The following ADAMTSL1 variants were observed in gnomAD, a reference collection of about 807,000 sequenced individuals.
ADAMTSL1 encodes ADAMTS like 1.
ADAMTSL1 carries 126 observed loss-of-function variants against 201.8 expected under a neutral mutation model. That is an observed-to-expected ratio of 0.62 (90% CI 0.54 to 0.72). ADAMTSL1 has a LOEUF of 0.72. ADAMTSL1 is among the 30% of genes least tolerant of loss of function. The pLI is 0.00. For missense variants in ADAMTSL1, 2,679 were observed against 2,277.8 expected, an observed-to-expected ratio of 1.18 and a Z score of -3.59; for synonymous variants, 1,121 against 903.4, an observed-to-expected ratio of 1.24 and a Z score of -4.32.
At chr9:18,197,343 C>T (rs1023674160) in intron 2 of ADAMTSL1, among the ~76,000 whole-genome samples, 17 of 151,392 alleles carry the variant, frequency 1.1e-4, no homozygotes, top group Non-Finnish European at 2.2e-4. Context: ...TTTGTATCCT[C>T]TTTTATTTCC....
intron 2 of ADAMTSL1, among the ~76,000 whole-genome samples, chr9:18,442,332 A>G (rs1820028327): frequency 6.6e-6 from 1 of 152,226 alleles, no homozygotes; most frequent in Admixed American, 6.5e-5. Context: ...TTTCAGAGAA[A>G]GAGAGAAAAA....
chr9:18,828,622 C>G (rs1478463207), intron 22 of ADAMTSL1, among the ~76,000 whole-genome samples: 3 of 123,256 alleles, frequency 2.4e-5, no homozygotes, highest in African/African-American at 9.2e-5. Context: ...TGATGTTTTT[C>G]TCTATGCCAT....
intron 3 of ADAMTSL1, among the ~76,000 whole-genome samples, chr9:18,557,815 A>G (rs900691850): frequency 7.2e-5 from 11 of 152,030 alleles, no homozygotes; most frequent in Non-Finnish European, 1.6e-4. Flanking sequence ...CATATTTGCA[A>G]TCTATCAATC....
rs186414644 is a variant in ADAMTSL1 at position 18,133,851 on chromosome 9, G to A, written c.88-30011G>A. ...AAAAAACTATTTGGTTAACTCTAAT[G>A]GGCAACTAGAATTGAAAACACAGCC... On this transcript the variant is annotated intron_variant, in intron 1 of 29. Transcript: ENST00000680146. Among the ~76,000 whole-genome samples, 293 of 151,018 alleles carry A rather than the reference G, an allele frequency of 1.9e-3. 2 individuals are homozygous for A. The highest frequency in any genetic ancestry group is 6.6e-3 in the African/African-American group (268 of 40,444).
chr9:18,733,639 A>ACCCACCCC (rs1818344689), intron 15 of ADAMTSL1, among the ~76,000 whole-genome samples: 1 of 88,584 alleles, frequency 1.1e-5, no homozygotes, highest in African/African-American at 4.3e-5. Flanking sequence ...CCCCCCACAC[A>ACCCACCCC]CACACTCACT....
At position 18,100,768 on chromosome 9, in the gene ADAMTSL1, C is replaced by A. The variant is rs114493206; in HGVS notation, c.88-63094C>A. Among the ~76,000 whole-genome samples the A allele has an allele frequency of 6.6e-3, 1,004 of 152,244 alleles. 16 individuals are homozygous for A. The highest frequency in any genetic ancestry group is 0.023 in the African/African-American group (963 of 41,540). ...CTGCACCACCCACTTCATACCTTACCAGGATCTTGTTGTATTCACTGTTAT... is the reference window on the plus strand; with the variant it reads ...CTGCACCACCCACTTCATACCTTACAAGGATCTTGTTGTATTCACTGTTAT... On this transcript the variant is annotated intron_variant, in intron 1 of 29. Transcript: ENST00000680146.
chr9:18,642,595 AC>A lies in ADAMTSL1; in HGVS notation c.834+3189del, dbSNP rs1423048025. 3.3e-5 allele frequency among the ~76,000 whole-genome samples: 5 copies of A among 151,136 alleles called. No individual in the cohort carries two copies. In the East Asian group the frequency reaches 9.7e-4, roughly 29 times the overall value. On this transcript the variant is annotated intron_variant, in intron 7 of 28. Transcript: ENST00000380548. ...TCCCCCACAGTTCACTTCCACCCCAACCCCCTGGTAGCCAATATTCTACTCT... is the reference window on the plus strand; with the variant it reads ...TCCCCCACAGTTCACTTCCACCCCAACCCCTGGTAGCCAATATTCTACTCT...
chr9:18,351,690 C>A (rs894616741), intron 2 of ADAMTSL1, among the ~76,000 whole-genome samples: 1 of 152,152 alleles, frequency 6.6e-6, no homozygotes, highest in Non-Finnish European at 1.5e-5. Context: ...AATGGGTACA[C>A]CATGTAAGAC....
chr9:18,681,701 G>GAGGA lies in ADAMTSL1; in HGVS notation c.1342-111_1342-110insAGGA, dbSNP rs1308328637. On this transcript the variant is annotated intron_variant, in intron 11 of 28. Transcript: ENST00000380548. Reference sequence around the variant, plus strand: ...AATTTACCAGGAGTCCTCGTGTGGGGGGGGGGGGCGGGGAAAAAGAAAACT... The same window carrying GAGGA: ...AATTTACCAGGAGTCCTCGTGTGGGGAGGAGGGGGGGGCGGGGAAAAAGAAAACT... 2.1e-5 allele frequency: 10 copies of GAGGA among 470,130 alleles called. 1 individual carries two copies. Among genetic ancestry groups the GAGGA allele is most frequent in the Non-Finnish European group, 3.1e-5 (10 of 321,186 alleles). 29.1% of individuals were successfully genotyped at this position (470,130 alleles called of 1,614,324 possible).
intron 1 of ADAMTSL1, among the ~76,000 whole-genome samples, chr9:18,074,501 CTT>C (rs1491244779): frequency 3.4e-4 from 24 of 71,166 alleles, no homozygotes; most frequent in Non-Finnish European, 5.2e-4. Flanking sequence ...CTTTTCTTTT[CTT>C]TTCTTTTCTT....
chr9:18,603,394 T>TGCTATGCTAC (rs1824795446), intron 4 of ADAMTSL1, among the ~76,000 whole-genome samples: 1 of 130,836 alleles, frequency 7.6e-6, no homozygotes, highest in African/African-American at 3.7e-5. Context: ...TGCTATGCTA[T>TGCTATGCTAC]GCTATGCTAT....
In ADAMTSL1 at chr9:18,650,484, A is replaced by G. The variant is rs1335434529; in HGVS notation, c.835-7155A>G. On this transcript the variant is annotated intron_variant, in intron 7 of 28. Transcript: ENST00000380548. ...TGCAGAAATCACCCGTCTTCTGCGT[A>G]GCTCACGGTGGGAGTTGTAGACAGG... 1.3e-5 allele frequency among the ~76,000 whole-genome samples: 2 copies of G among 152,148 alleles called. 1 individual carries two copies. Among genetic ancestry groups the G allele is most frequent in the Non-Finnish European group, 2.9e-5 (2 of 68,032 alleles).
intron 2 of ADAMTSL1, among the ~76,000 whole-genome samples, chr9:18,392,929 C>T (rs1225604147): frequency 1.3e-5 from 2 of 152,112 alleles, no homozygotes; most frequent in East Asian, 3.9e-4. Context: ...TCACATGCTA[C>T]CTAAGGTAAA....
At chr9:18,447,049 T>G in intron 2 of ADAMTSL1, among the ~76,000 whole-genome samples, 1 of 152,114 alleles carries the variant, frequency 6.6e-6, no homozygotes, top group East Asian at 1.9e-4. Context: ...ACACAATCAC[T>G]ATGTGGGTTG....
intron 23 of ADAMTSL1, among the ~76,000 whole-genome samples, chr9:18,832,864 T>A (rs1340174232): frequency 1.3e-5 from 2 of 152,242 alleles, no homozygotes; most frequent in African/African-American, 4.8e-5. Context: ...ACTTCATGGT[T>A]CTGTGGCACA....
intron 2 of ADAMTSL1, among the ~76,000 whole-genome samples, chr9:18,191,801 T>C (rs1411599844): frequency 1.3e-5 from 2 of 152,196 alleles, no homozygotes; most frequent in African/African-American, 4.8e-5. Flanking sequence ...CTTACTTTAT[T>C]TCTCAAAATA....
intron 23 of ADAMTSL1, among the ~76,000 whole-genome samples, chr9:18,869,602 A>ACCAGTTTATGTTTCC (rs1388215003): frequency 6.6e-6 from 1 of 152,218 alleles, no homozygotes; most frequent in African/African-American, 2.4e-5. Context: ...TTCCGGGTTC[A>ACCAGTTTATGTTTCC]CCAGTTTATG....
At chr9:18,493,901 T>A (rs1234740290) in intron 1 of ADAMTSL1, among the ~76,000 whole-genome samples, 3 of 152,228 alleles carry the variant, frequency 2.0e-5, no homozygotes, top group Non-Finnish European at 4.4e-5. Flanking sequence ...GTATCTGGTG[T>A]TCTACAAGGC....
chr9:18,182,361 T>C (rs1828535881), intron 2 of ADAMTSL1, among the ~76,000 whole-genome samples: 1 of 152,200 alleles, frequency 6.6e-6, no homozygotes, highest in Non-Finnish European at 1.5e-5. Flanking sequence ...TGTATACCCT[T>C]TGAAGGATGA....
Sources: gnomAD v4.1 joint callset for allele counts (sites outside exome capture counted in the v4.1 genomes callset) on GRCh38, gnomAD v4.1.1 for gene constraint, MANE v1.5 for transcripts, NCBI Gene and HGNC (gene_info 2026-07-23, HGNC 2026-07-21) for gene names.